CCDC40: variants seen among roughly 807,000 people sequenced by gnomAD.
CCDC40 encodes the protein coiled-coil domain 40 molecular ruler complex subunit.
Under a neutral mutation model 124.5 loss-of-function variants are expected in CCDC40, and 104 were observed. The observed-to-expected ratio is 0.84, with a 90% CI of 0.71 to 0.98. The LOEUF (loss-of-function observed/expected upper bound fraction) is 0.98. Ranked by LOEUF, CCDC40 falls within the 50% of genes least tolerant of loss-of-function variation. The pLI, the probability that CCDC40 is intolerant of heterozygous loss-of-function variation, is 0.00. For synonymous variants in CCDC40, 580 were observed against 602.9 expected (o/e 0.96, Z 0.56); for missense variants, 1,463 against 1,503.9 (o/e 0.97, Z 0.45).
chr17:80,073,388 T>C lies in CCDC40; in HGVS notation c.1562+7782T>C, dbSNP rs2038239056. Among the ~76,000 whole-genome samples the C allele has an allele frequency of 2.6e-5, 4 of 152,198 alleles. No homozygotes were observed. In the South Asian group the frequency reaches 8.3e-4, roughly 31 times the overall value. On this transcript the variant is annotated intron_variant, in intron 10 of 19. Transcript: ENST00000397545. ...GCTCACTTCCTGCCTCTGCACCACATGTTGGTCGTTCTCATAATATTTCAA... is the reference window on the plus strand; with the variant it reads ...GCTCACTTCCTGCCTCTGCACCACACGTTGGTCGTTCTCATAATATTTCAA...
At chr17:80,042,876 A>G (rs537810938) in intron 3 of CCDC40, among the ~76,000 whole-genome samples, 3 of 149,236 alleles carry the variant, frequency 2.0e-5, no homozygotes, top group African/African-American at 7.4e-5. Context: ...TTTTTTTTTT[A>G]ATCATAAAAG....
intron 1 of CCDC40, among the ~76,000 whole-genome samples, chr17:80,037,130 C>T (rs2037094329): frequency 6.6e-6 from 1 of 152,260 alleles, no homozygotes; most frequent in East Asian, 1.9e-4. Context: ...GAGACCAGCC[C>T]GGCCCCGCGC....
At position 80,086,347 on chromosome 17, in the gene CCDC40, C is replaced by T. The variant is rs1342847387; in HGVS notation, c.2449+131C>T. On this transcript the variant is annotated intron_variant, in intron 14 of 19. Transcript: ENST00000397545. This position sits in a 1 kb window ranked among gnomAD's most constrained non-coding sequence, Gnocchi z 5.5. ...CGCAGCCTTAAAAGCAAATAACAAA[C>T]GCGCATGCTCCCTGTATTTTGTAAA... is the stretch of plus-strand genomic sequence containing the variant. 17 of 734,124 alleles carry T rather than the reference C, an allele frequency of 2.3e-5. No individual in the cohort carries two copies. The highest frequency in any genetic ancestry group is 1.7e-4 in the Admixed American group (8 of 46,664). The allele number at this position is 734,124 out of a possible 1,614,324, so 45.5% of individuals were successfully genotyped here. A position where few individuals can be genotyped will look rare whatever the true frequency, so the allele number is the denominator to read the frequency against.
chr17:80,072,209 G>A (rs2038209133), intron 10 of CCDC40, among the ~76,000 whole-genome samples: 1 of 152,126 alleles, frequency 6.6e-6, no homozygotes, highest in East Asian at 1.9e-4. Context: ...CGTAAGCTGA[G>A]GAGAACCTGT....
intron 9 of CCDC40, 132 bp from the exon 10 acceptor site, chr17:80,065,353 G>A (rs2038015112): frequency 1.6e-6 from 2 of 1,228,224 alleles, no homozygotes; most frequent in Non-Finnish European, 2.4e-6. Context: ...CTCTGCAGAT[G>A]CATGATCAAG....
chr17:80,048,739 TG>T lies in CCDC40; in HGVS notation c.835del (p.Val279TrpfsTer9). 1 of 1,612,430 alleles carries T rather than the reference TG, an allele frequency of 6.2e-7. No homozygotes were observed. The highest frequency in any genetic ancestry group is 8.5e-7 in the Non-Finnish European group (1 of 1,179,226). On this transcript the variant is annotated frameshift_variant, in exon 5 of 20. Coordinates refer to ENST00000397545, the MANE Select transcript of CCDC40 (RefSeq NM_017950.4). LOFTEE classifies it high-confidence loss of function. ...DEEAEDEGSQ[L>X]VVLDPDHPLM... ...GAAGCAGAAGACGAAGGGTCCCAGC[TG>T]GTGGTTTTGGACCCAGACCACGTAA...
intron 10 of CCDC40, among the ~76,000 whole-genome samples, chr17:80,078,138 T>C (rs1036976419): frequency 3.3e-5 from 5 of 152,002 alleles, no homozygotes; most frequent in Admixed American, 2.0e-4. Context: ...GAGACCATCC[T>C]GGCTAACACG....
At chr17:80,044,299 C>T (rs1209248025) in intron 3 of CCDC40, among the ~76,000 whole-genome samples, 1 of 152,176 alleles carries the variant, frequency 6.6e-6, no homozygotes, top group East Asian at 1.9e-4. Context: ...TGGAGAACAG[C>T]ATGATTCAGT....
chr17:80,039,192 C>A (rs1377872003), intron 2 of CCDC40, among the ~76,000 whole-genome samples: 1 of 151,974 alleles, frequency 6.6e-6, no homozygotes, highest in Non-Finnish European at 1.5e-5. Context: ...CATGGTGAAA[C>A]CCCATCCCTA....
At chr17:80,041,924 G>A (rs957664177) in intron 3 of CCDC40, among the ~76,000 whole-genome samples, 3 of 152,126 alleles carry the variant, frequency 2.0e-5, no homozygotes, top group Non-Finnish European at 2.9e-5. Context: ...ATTGTGAAGC[G>A]ACCTTTTACT....
At chr17:80,073,164 T>C (rs1445440336) in intron 10 of CCDC40, among the ~76,000 whole-genome samples, 1 of 151,998 alleles carries the variant, frequency 6.6e-6, no homozygotes, top group Non-Finnish European at 1.5e-5. Context: ...CACCATGCCC[T>C]GCTAATTTTT....
At chr17:80,036,715 G>T in intron 1 of CCDC40, 24 bp downstream of exon 1, 1 of 1,461,996 alleles carries the variant, frequency 6.8e-7, no homozygotes, top group South Asian at 1.3e-5. Flanking sequence ...AGGGGCAGCG[G>T]GTCTTGGAGT....
At chr17:80,095,090 C>T (rs1478122442) in intron 17 of CCDC40, among the ~76,000 whole-genome samples, 173 bp from the exon 18 acceptor site, 1 of 152,358 alleles carries the variant, frequency 6.6e-6, no homozygotes, top group East Asian at 1.9e-4. Context: ...GGTTCCCACC[C>T]AGGGCTGCTG....
Position 80,065,512 on chromosome 17 carries a change from G to T in CCDC40, c.1468G>T (p.Val490Leu), listed in dbSNP as rs200902099. The change falls in exon 10 of 20, where the codon GTG becomes TTG. Residue 490 changes from valine (V) to leucine (L), a missense_variant. Coordinates refer to ENST00000397545, the MANE Select transcript of CCDC40 (RefSeq NM_017950.4). ...EACTEIDAIS[V>L]EKRRIMQQWA... ...CTGCACCGAGATCGACGCCATCAGCGTGGAGAAGAGGCGCATCATGCAGCA... is the reference window on the plus strand; with the variant it reads ...CTGCACCGAGATCGACGCCATCAGCTTGGAGAAGAGGCGCATCATGCAGCA... 1.2e-6 allele frequency: 2 copies of T among 1,613,108 alleles called. No individual in the cohort carries two copies. The highest frequency in any genetic ancestry group is 2.2e-5 in the East Asian group (1 of 44,802).
chr17:80,071,409 G>A (rs917343667), intron 10 of CCDC40, among the ~76,000 whole-genome samples: 1 of 152,196 alleles, frequency 6.6e-6, no homozygotes, highest in Non-Finnish European at 1.5e-5. Flanking sequence ...AAAAGCCACG[G>A]GCAGTGTCCT....
intron 7 of CCDC40, among the ~76,000 whole-genome samples, chr17:80,055,275 G>A (rs2037708868): frequency 6.6e-6 from 1 of 152,134 alleles, no homozygotes. Flanking sequence ...ATCTGGGAAT[G>A]AAATACTGAA....
intron 17 of CCDC40, chr17:80,090,345 AAGGGACGCGCG>A: frequency 4.8e-5 from 30 of 618,762 alleles, no homozygotes; most frequent in South Asian, 8.0e-5. Flanking sequence ...GTGCACGAAC[AAGGGACGCGCG>A]CAGGCACGTG....
At chr17:80,096,719 T>C (rs2038815981) in intron 18 of CCDC40, among the ~76,000 whole-genome samples, 1 of 152,186 alleles carries the variant, frequency 6.6e-6, no homozygotes, top group African/African-American at 2.4e-5. Context: ...CAGCCAGCCC[T>C]GAGAGTCACT....
In CCDC40 at chr17:80,087,964, A is replaced by C; in HGVS notation, c.2620-47A>C. 6.8e-7 allele frequency: 1 copy of C among 1,468,672 alleles called. No homozygotes were observed. Among genetic ancestry groups the C allele is most frequent in the Non-Finnish European group, 9.5e-7 (1 of 1,047,850 alleles). 91.0% of individuals were successfully genotyped at this position (1,468,672 alleles called of 1,614,324 possible). A position where few individuals can be genotyped will look rare whatever the true frequency, so the allele number is the denominator to read the frequency against. On this transcript the variant is annotated intron_variant, in intron 15 of 19. Coordinates refer to ENST00000397545, the MANE Select transcript of CCDC40 (RefSeq NM_017950.4). The surrounding 1 kb of genome is among the most constrained non-coding windows in gnomAD (Gnocchi z 4.5). ...AGAGGGCACCAGCCCCGGCATCCAC[A>C]ATCCCATGGCCCTCCCCACAGCTGT...
Sources: allele counts gnomAD v4.1 joint callset (sites outside exome capture counted in the v4.1 genomes callset), GRCh38; gene constraint gnomAD v4.1.1; non-coding constraint Gnocchi (gnomAD v3.1); transcripts MANE v1.5; gene names NCBI Gene and HGNC (gene_info 2026-07-23, HGNC 2026-07-21).